The following LPP variants were observed in gnomAD, a reference collection of about 807,000 sequenced individuals.
LPP encodes the protein lipoma-preferred partner.
In LPP, 38 loss-of-function variants were observed where a neutral mutation model predicts 60.4. The ratio of observed to expected loss-of-function variants is 0.63; its 90% CI spans 0.49 to 0.83. The LOEUF (loss-of-function observed/expected upper bound fraction) is 0.83, where lower values mean the gene tolerates loss of function less well. Among genes scored for constraint, LPP ranks in the 40% least tolerant of loss-of-function variants. The probability of loss-of-function intolerance (pLI) is 0.00; values close to 1 mark genes in which losing one functional copy is unlikely to be tolerated. For missense variants in LPP, 902 were observed against 783.6 expected (o/e 1.15, Z -1.80); for synonymous variants, 328 against 290.8 (o/e 1.13, Z -1.30).
At chr3:188,357,807 G>A (rs1317779566) in intron 3 of LPP, among the ~76,000 whole-genome samples, 2 of 152,142 alleles carry the variant, frequency 1.3e-5, no homozygotes, top group Non-Finnish European at 2.9e-5. Context: ...CAAAAAAACA[G>A]CATGTTTGCT....
intron 7 of LPP, among the ~76,000 whole-genome samples, chr3:188,612,970 G>C (rs1844028155): frequency 6.6e-6 from 1 of 152,118 alleles, no homozygotes; most frequent in African/African-American, 2.4e-5. Context: ...GAACCTGCAA[G>C]GCTTAGGGGA....
chr3:188,189,561 T>C (rs1308578414), intron 1 of LPP, among the ~76,000 whole-genome samples: 1 of 152,180 alleles, frequency 6.6e-6, no homozygotes, highest in Non-Finnish European at 1.5e-5. Flanking sequence ...TATAAAATGA[T>C]AGGGTTGTAT....
intron 5 of LPP, among the ~76,000 whole-genome samples, chr3:188,520,844 C>T (rs996767135): frequency 7.9e-5 from 12 of 152,258 alleles, no homozygotes; most frequent in African/African-American, 2.9e-4. Context: ...TTCCTTGTTG[C>T]TGGCATTGGG....
intron 6 of LPP, among the ~76,000 whole-genome samples, chr3:188,608,149 A>G (rs935728181): frequency 2.6e-5 from 4 of 152,174 alleles, no homozygotes; most frequent in Non-Finnish European, 5.9e-5. Context: ...AGAACAGACA[A>G]GGTGCACCCC....
At chr3:188,251,412 T>C (rs1729592229) in intron 2 of LPP, among the ~76,000 whole-genome samples, 1 of 152,132 alleles carries the variant, frequency 6.6e-6, no homozygotes. Flanking sequence ...TGGAGAAAGA[T>C]GTTAGAGACC....
At chr3:188,615,908 C>T (rs192042879) in intron 7 of LPP, among the ~76,000 whole-genome samples, 1 of 152,046 alleles carries the variant, frequency 6.6e-6, no homozygotes, top group Admixed American at 6.5e-5. Context: ...CTGCTCATAC[C>T]CTTTGTCCAC....
chr3:188,580,017 T>TAC (rs1182559500), intron 6 of LPP, among the ~76,000 whole-genome samples: 2 of 151,442 alleles, frequency 1.3e-5, no homozygotes, highest in East Asian at 3.9e-4. Context: ...AATAAGCAAA[T>TAC]ACACACACAC....
At chr3:188,697,245 C>T (rs1393138807) in intron 7 of LPP, among the ~76,000 whole-genome samples, 3 of 152,176 alleles carry the variant, frequency 2.0e-5, no homozygotes, top group African/African-American at 4.8e-5. Context: ...TGAGCCAGAA[C>T]CGCTCTGACT....
rs1763059451 is a variant in LPP, at chr3:188,853,134, G to A, written c.1411-13066G>A. Among the ~76,000 whole-genome samples, 2 of 151,732 alleles carry A rather than the reference G, an allele frequency of 1.3e-5. 1 individual carries two copies. The highest frequency in any genetic ancestry group is 4.1e-4 in the South Asian group (2 of 4,820). On this transcript the variant is annotated intron_variant, in intron 9 of 11. Transcript: ENST00000617246. ...CAGTGCACTACAGACTGGGCAAAAA[G>A]AGGGAGACTCTGTCTCAAAAAAAAA... is the stretch of plus-strand genomic sequence containing the variant.
chr3:188,641,592 A>G (rs977811431), intron 7 of LPP, among the ~76,000 whole-genome samples: 2 of 152,274 alleles, frequency 1.3e-5, no homozygotes, highest in Non-Finnish European at 2.9e-5. Flanking sequence ...TCGGAGCAGC[A>G]GGATGCGTAT....
intron 9 of LPP, among the ~76,000 whole-genome samples, chr3:188,840,939 C>T (rs530600478): frequency 1.3e-5 from 2 of 152,240 alleles, no homozygotes; most frequent in Admixed American, 6.5e-5. Flanking sequence ...TCTGATGTGG[C>T]GGGCATCCAA....
intron 5 of LPP, among the ~76,000 whole-genome samples, chr3:188,499,314 G>A (rs901137607): frequency 6.6e-6 from 1 of 152,086 alleles, no homozygotes; most frequent in African/African-American, 2.4e-5. Flanking sequence ...AATTATGCTA[G>A]GAAAGAGTCC....
At chr3:188,573,450 C>T (rs763283071) in intron 6 of LPP, among the ~76,000 whole-genome samples, 1 of 152,070 alleles carries the variant, frequency 6.6e-6, no homozygotes, top group Non-Finnish European at 1.5e-5. Flanking sequence ...GTTCTTTTGG[C>T]GCCTCATCTT....
At chr3:188,496,094 C>T (rs2149809466) in intron 5 of LPP, among the ~76,000 whole-genome samples, 1 of 152,080 alleles carries the variant, frequency 6.6e-6, no homozygotes, top group South Asian at 2.1e-4. Context: ...TTGACTTGTA[C>T]AGGGCCTCCT....
intron 1 of LPP, among the ~76,000 whole-genome samples, chr3:188,191,677 TGAG>T (rs1164782111): frequency 1.3e-5 from 2 of 152,164 alleles, no homozygotes; most frequent in African/African-American, 4.8e-5. Flanking sequence ...AGGTGGTGGC[TGAG>T]GAGGGGAGGC....
chr3:188,650,746 A>T (rs1260494464), intron 7 of LPP, among the ~76,000 whole-genome samples: 1 of 152,194 alleles, frequency 6.6e-6, no homozygotes, highest in African/African-American at 2.4e-5. Context: ...AAAAGAAGGG[A>T]CTTGTATTAT....
chr3:188,287,525 G>A (rs1180346508), intron 2 of LPP, among the ~76,000 whole-genome samples: 5 of 152,200 alleles, frequency 3.3e-5, no homozygotes, highest in Non-Finnish European at 7.3e-5. Flanking sequence ...TTGACAAATG[G>A]TTCTCGTTGC....
chr3:188,261,359 G>C (rs893523140), intron 2 of LPP, among the ~76,000 whole-genome samples: 38 of 151,256 alleles, frequency 2.5e-4, no homozygotes, highest in Non-Finnish European at 4.1e-4. Context: ...TCTCTACACA[G>C]ACACACACAC....
At chr3:188,862,323 C>A (rs1765372565) in intron 9 of LPP, among the ~76,000 whole-genome samples, 2 of 152,210 alleles carry the variant, frequency 1.3e-5, no homozygotes, top group South Asian at 4.1e-4. Flanking sequence ...ACCACTAAAT[C>A]AAGTACATTG....
Sources: gnomAD v4.1 joint callset for allele counts (sites outside exome capture counted in the v4.1 genomes callset) on GRCh38, gnomAD v4.1.1 for gene constraint, MANE v1.5 for transcripts, NCBI Gene and HGNC (gene_info 2026-07-23, HGNC 2026-07-21) for gene names.